The following CTR9 variants were observed in gnomAD, a reference collection of about 807,000 sequenced individuals.
CTR9 encodes the protein CTR9 component of Paf1/RNA polymerase II complex.
In CTR9, 41 loss-of-function variants were observed where a neutral mutation model predicts 152.1. That is an observed-to-expected ratio of 0.27 (90% confidence interval 0.21 to 0.35). The LOEUF is 0.35. CTR9 is among the 10% of genes least tolerant of loss of function. CTR9 has a pLI of 1.00. For missense variants in CTR9, 917 were observed against 1,424.4 expected, an observed-to-expected ratio of 0.64 and a Z score of 5.73; for synonymous variants, 476 against 496.2, an observed-to-expected ratio of 0.96 and a Z score of 0.54.
chr11:10,752,634 A>G, intron 1 of CTR9, 38 bp from the exon 2 acceptor site: 1 of 1,400,942 alleles, frequency 7.1e-7, no homozygotes, highest in South Asian at 1.2e-5. Flanking sequence ...TGAATTTTAA[A>G]GTGGAATAAG....
chr11:10,761,623 TTAATA>T (rs1422711778), intron 6 of CTR9, among the ~76,000 whole-genome samples: 3 of 151,574 alleles, frequency 2.0e-5, no homozygotes, highest in African/African-American at 7.3e-5. Context: ...AAAATAAAAA[TTAATA>T]TAAATAAATA....
At chr11:10,768,594 T>G in intron 16 of CTR9, 103 bp downstream of exon 16, 1 of 1,146,678 alleles carries the variant, frequency 8.7e-7, no homozygotes, top group South Asian at 1.7e-5. Context: ...CTATCTCTTG[T>G]GATACTGTGT....
At chr11:10,755,536 T>A in intron 3 of CTR9, 142 bp from the exon 4 acceptor site, 1 of 589,516 alleles carries the variant, frequency 1.7e-6, no homozygotes, top group East Asian at 2.8e-5. Context: ...TAATTAAGAA[T>A]TGCTTGTTAG....
At chr11:10,762,211 A>G (rs1325643771) in intron 7 of CTR9, among the ~76,000 whole-genome samples, 157 bp downstream of exon 7, 1 of 152,112 alleles carries the variant, frequency 6.6e-6, no homozygotes, top group Admixed American at 6.6e-5. Context: ...GGGGGTACCT[A>G]CATTTGTTTA....
chr11:10,756,135 C>G (rs772947823), intron 4 of CTR9, among the ~76,000 whole-genome samples: 12 of 152,092 alleles, frequency 7.9e-5, no homozygotes, highest in Non-Finnish European at 1.6e-4. Context: ...TAGCAAGACC[C>G]CATCTCTACA....
rs6699 is a variant in CTR9, at chr11:10,779,639, C to G, written c.*534C>G. Reference sequence around the variant, plus strand: ...TACTGCAGCGATGTAGATAAAATCACAAATGTATAATGTGTTAGGTTGAAT... The same window carrying G: ...TACTGCAGCGATGTAGATAAAATCAGAAATGTATAATGTGTTAGGTTGAAT... On this transcript the variant is annotated 3_prime_UTR_variant, in exon 25 of 25. Transcript: ENST00000361367. The G allele has an allele frequency of 0.15, 23,336 of 152,980 alleles. 2,300 individuals carry two copies. Among genetic ancestry groups the G allele is most frequent in the African/African-American group, 0.28 (11,546 of 41,464 alleles). The allele number at this position is 152,980 out of a possible 1,614,324, so 9.5% of individuals were successfully genotyped here.
intron 22 of CTR9, 125 bp downstream of exon 22, chr11:10,774,294 C>G: frequency 8.5e-7 from 1 of 1,181,462 alleles, no homozygotes; most frequent in East Asian, 2.5e-5. Context: ...TTTTTGTGCC[C>G]CCACTTCCTA....
chr11:10,777,008 A>G (rs1306752529), intron 24 of CTR9, among the ~76,000 whole-genome samples: 1 of 145,402 alleles, frequency 6.9e-6, no homozygotes. Flanking sequence ...CTCACATTAT[A>G]GTTGGATTAA....
At chr11:10,769,990 T>G (rs1863117743) in intron 16 of CTR9, among the ~76,000 whole-genome samples, 1 of 152,220 alleles carries the variant, frequency 6.6e-6, no homozygotes, top group African/African-American at 2.4e-5. Flanking sequence ...AAGAAACCAT[T>G]TCAAGCATCT....
chr11:10,753,630 T>A (rs1161448057), intron 2 of CTR9, among the ~76,000 whole-genome samples: 1 of 150,824 alleles, frequency 6.6e-6, no homozygotes. Flanking sequence ...AGACCAAGCC[T>A]CCTTGTCACA....
intron 21 of CTR9, among the ~76,000 whole-genome samples, 195 bp from the exon 22 acceptor site, chr11:10,773,817 A>C (rs1244340152): frequency 6.6e-6 from 1 of 150,472 alleles, no homozygotes; most frequent in African/African-American, 2.4e-5. Flanking sequence ...CCCAAGAGGC[A>C]GAGGTTGCAG....
At chr11:10,770,973 A>G (rs992194344) in intron 18 of CTR9, among the ~76,000 whole-genome samples, 6 of 152,198 alleles carry the variant, frequency 3.9e-5, no homozygotes, top group African/African-American at 1.4e-4. Context: ...ACACATGTGA[A>G]ATTTTTTGGA....
At chr11:10,773,891 A>AG (rs1040436421) in intron 21 of CTR9, 121 bp from the exon 22 acceptor site, 4 of 709,982 alleles carry the variant, frequency 5.6e-6, no homozygotes, top group Admixed American at 3.1e-5. Flanking sequence ...TCTCAAAAAA[A>AG]AAAAAAAAAA....
chr11:10,768,038 C>T lies in CTR9; in HGVS notation c.1873-36C>T, dbSNP rs376142950. The T allele has an allele frequency of 1.7e-4, 275 of 1,613,260 alleles. 5 individuals carry two copies. In the South Asian group the frequency reaches 2.5e-3, roughly 15 times the overall value. On this transcript the variant is annotated intron_variant, in intron 14 of 24. Transcript: ENST00000361367. ...AAACAAAACTGATACTCTACATTCT[C>T]GTTTGAATCTTTTTTAAGAGCACTT...
chr11:10,763,794 C>T lies in CTR9; in HGVS notation c.1109C>T (p.Ala370Val). 1 of 1,613,938 alleles carries T rather than the reference C, an allele frequency of 6.2e-7. No homozygotes were observed. Among genetic ancestry groups the T allele is most frequent in the Non-Finnish European group, 8.5e-7 (1 of 1,179,968 alleles). Reference protein sequence around the residue: ...ASQCFEKVLKAYPNNYETMKI... With the variant: ...ASQCFEKVLKVYPNNYETMKI... ...CAGTGCTTTGAGAAGGTTTTGAAAG[C>T]TTATCCTAATAATTACGAAACTATG... The change falls in exon 9 of 25, where the codon GCT becomes GTT. Residue 370 changes from alanine to valine, a missense_variant. This residue lies in a region of CTR9 where 133 missense variants were observed against 244.1 expected (regional missense o/e 0.54). Coordinates refer to ENST00000361367, the MANE Select transcript of CTR9 (RefSeq NM_014633.5).
chr11:10,763,383 A>G lies in CTR9; in HGVS notation c.850-48A>G, dbSNP rs1042056879. 6.4e-6 allele frequency: 8 copies of G among 1,259,162 alleles called. No homozygotes were observed. In the African/African-American group the frequency reaches 1.0e-4, roughly 16 times the overall value. 78.0% of individuals were successfully genotyped at this position (1,259,162 alleles called of 1,614,324 possible). ...TTAGTCTAAGATAAAACAGCTATGC[A>G]AGCTAGTCTTATGAATTCACTCAGT... On this transcript the variant is annotated intron_variant, in intron 7 of 24. Transcript: ENST00000361367.
At chr11:10,753,348 AATG>A (rs1862835127) in intron 2 of CTR9, among the ~76,000 whole-genome samples, 1 of 152,162 alleles carries the variant, frequency 6.6e-6, no homozygotes, top group Non-Finnish European at 1.5e-5. Context: ...TCAGCTGCAT[AATG>A]ATGTTTTCTT....
intron 21 of CTR9, 94 bp downstream of exon 21, chr11:10,773,367 C>T (rs889334791): frequency 7.1e-7 from 1 of 1,410,432 alleles, no homozygotes; most frequent in Non-Finnish European, 9.7e-7. Context: ...TCTGTACTTA[C>T]TAGTTTTGAC....
Position 10,778,977 on chromosome 11 carries a change from C to G in CTR9, c.3394C>G (p.His1132Asp). The change falls in exon 25 of 25, where the codon CAC (histidine) becomes GAC (aspartate). Residue 1132 changes from histidine to aspartate, a missense_variant. Physicochemically the swap from His to Asp is moderately conservative, Grantham distance 81 (BLOSUM62 -1). Coordinates refer to ENST00000361367, the MANE Select transcript of CTR9 (RefSeq NM_014633.5). The part of the protein sequence containing the change: ...RPASPSAESD[H>D]ESERGSDNEG... ...AGCTTCTCCAAGTGCCGAATCAGAT[C>G]ACGAATCGGAGAGAGGATCTGATAA... The G allele has an allele frequency of 6.2e-7, 1 of 1,614,122 alleles. No individual in the cohort carries two copies. The highest frequency in any genetic ancestry group is 8.5e-7 in the Non-Finnish European group (1 of 1,180,034).
Sources: gnomAD v4.1 joint callset for allele counts (sites outside exome capture counted in the v4.1 genomes callset) on GRCh38, gnomAD v4.1.1 for gene constraint, gnomAD v4.1.1 regional missense constraint, MANE v1.5 for transcripts, NCBI Gene and HGNC (gene_info 2026-07-23, HGNC 2026-07-21) for gene names.